The following MYPN variants were observed in gnomAD, a reference collection of about 807,000 sequenced individuals.
MYPN encodes sarcomeric protein myopalladin, 145 kDa (MYOP).
A neutral mutation model predicts 129.4 loss-of-function variants in MYPN; 63 were observed. The ratio of observed to expected loss-of-function variants is 0.49; its 90% CI spans 0.40 to 0.60. The LOEUF is 0.60. MYPN is among the 20% of genes least tolerant of loss of function. The pLI, the probability that MYPN is intolerant of heterozygous loss-of-function variation, is 0.00. For synonymous variants in MYPN, 629 were observed against 600.9 expected (o/e 1.05, Z -0.68); for missense variants, 1,596 against 1,635.4 (o/e 0.98, Z 0.42).
upstream of MYPN, among the ~76,000 whole-genome samples, chr10:68,102,473 A>G (rs564427394): frequency 7.8e-4 from 118 of 152,252 alleles, no homozygotes; most frequent in Non-Finnish European, 1.3e-3. Flanking sequence ...TTTTCTCACA[A>G]AAAATGAGTC....
Position 68,149,451 on chromosome 10 carries a change from A to ATT in MYPN, c.1246-582_1246-581dup, listed in dbSNP as rs35495734. Among the ~76,000 whole-genome samples the ATT allele has an allele frequency of 3.1e-3, 469 of 151,812 alleles. 1 individual carries two copies. Among genetic ancestry groups the ATT allele is most frequent in the African/African-American group, 0.011 (454 of 41,320 alleles). On this transcript the variant is annotated intron_variant, in intron 5 of 19. Coordinates refer to ENST00000358913, the MANE Select transcript of MYPN (RefSeq NM_032578.4). ...ATTGATGTATTTCTTTTATATACAT[A>ATT]TTTTTTTTCTGTTTTTCAAAAAATT...
At chr10:68,151,094 G>A (rs2042762291) in intron 6 of MYPN, among the ~76,000 whole-genome samples, 1 of 152,124 alleles carries the variant, frequency 6.6e-6, no homozygotes, top group Non-Finnish European at 1.5e-5. Flanking sequence ...AACAAAAATT[G>A]TCTAGCTCAA....
intron 13 of MYPN, 37 bp from the exon 14 acceptor site, chr10:68,194,326 A>G (rs774328553): frequency 2.5e-5 from 40 of 1,609,104 alleles, no homozygotes; most frequent in Non-Finnish European, 3.3e-5. Context: ...CTAAAGATAA[A>G]CAAAACAGTG....
chr10:68,142,334 A>G (rs2042590654), intron 2 of MYPN, among the ~76,000 whole-genome samples: 1 of 152,220 alleles, frequency 6.6e-6, no homozygotes, highest in East Asian at 1.9e-4. Flanking sequence ...ACTAGGCTGT[A>G]ATAAAAATTT....
intron 19 of MYPN, among the ~76,000 whole-genome samples, chr10:68,208,799 T>A (rs913256226): frequency 9.2e-5 from 14 of 152,066 alleles, no homozygotes; most frequent in Non-Finnish European, 1.8e-4. Context: ...CCACCACACT[T>A]CCTGCCTTTC....
At chr10:68,124,732 A>T (rs1024555596) in intron 2 of MYPN, among the ~76,000 whole-genome samples, 1 of 152,198 alleles carries the variant, frequency 6.6e-6, no homozygotes, top group Non-Finnish European at 1.5e-5. Context: ...GAGCTAGTGG[A>T]TAAAGAAACA....
chr10:68,126,085 G>C (rs1303204496), intron 2 of MYPN, among the ~76,000 whole-genome samples: 2 of 152,150 alleles, frequency 1.3e-5, no homozygotes, highest in African/African-American at 4.8e-5. Flanking sequence ...CAAGGGTAGA[G>C]GGGAAAGCAA....
chr10:68,150,707 G>A (rs2042754889), intron 6 of MYPN, among the ~76,000 whole-genome samples: 2 of 152,226 alleles, frequency 1.3e-5, no homozygotes, highest in Non-Finnish European at 2.9e-5. Flanking sequence ...CACAGATCCA[G>A]TTAGTGGCAG....
chr10:68,143,167 A>G, intron 3 of MYPN, 52 bp downstream of exon 3: 1 of 1,538,014 alleles, frequency 6.5e-7, no homozygotes, highest in Non-Finnish European at 8.9e-7. Flanking sequence ...ACATTTAGTT[A>G]TAATAAATAA....
At chr10:68,198,986 TG>T in intron 16 of MYPN, among the ~76,000 whole-genome samples, 1 of 148,710 alleles carries the variant, frequency 6.7e-6, no homozygotes. Flanking sequence ...GTGTTTTTCT[TG>T]TTTTCGTTTT....
rs207471127 is a variant in MYPN at position 68,174,046 on chromosome 10, C to T, written c.1974-20C>T. 7 of 1,557,672 alleles carry T rather than the reference C, an allele frequency of 4.5e-6. No homozygotes were observed. Among genetic ancestry groups the T allele is most frequent in the Middle Eastern group, 1.7e-4 (1 of 6,002 alleles). ...AATAACACATTTCCTTCTCTCTCTCCACCCTTGTTTTGTGTACAGTGATTC... is the reference window on the plus strand; with the variant it reads ...AATAACACATTTCCTTCTCTCTCTCTACCCTTGTTTTGTGTACAGTGATTC... On this transcript the variant is annotated intron_variant, in intron 10 of 19. Transcript: ENST00000358913.
At chr10:68,115,331 AT>A (rs1028869622) in intron 1 of MYPN, among the ~76,000 whole-genome samples, 18 of 151,466 alleles carry the variant, frequency 1.2e-4, no homozygotes, top group African/African-American at 4.4e-4. Flanking sequence ...AGAACTTACG[AT>A]TTTCTTTCCT....
chr10:68,165,758 A>C lies in MYPN; in HGVS notation c.1540A>C (p.Thr514Pro). 1.2e-6 allele frequency: 2 copies of C among 1,614,186 alleles called. No individual in the cohort carries two copies. The highest frequency in any genetic ancestry group is 1.7e-6 in the Non-Finnish European group (2 of 1,180,024). The change falls in exon 9 of 20, where the codon ACA (threonine) becomes CCA (proline). Residue 514 changes from threonine (T) to proline (P), a missense_variant. Transcript: ENST00000358913. ...EVFAEDSGCF[T>P]CTASNKYGTV... ...GTTTGCAGAAGATTCTGGGTGCTTC[A>C]CATGTACTGCAAGCAACAAATACGG...
intron 7 of MYPN, 33 bp downstream of exon 7, chr10:68,158,660 T>TGGG (rs776739980): frequency 2.4e-5 from 36 of 1,474,136 alleles, no homozygotes; most frequent in Non-Finnish European, 3.2e-5. Flanking sequence ...TTTCTGATAT[T>TGGG]TTGTTTTTAT....
intron 6 of MYPN, among the ~76,000 whole-genome samples, chr10:68,154,333 A>C (rs2042830768): frequency 6.6e-6 from 1 of 152,260 alleles, no homozygotes; most frequent in African/African-American, 2.4e-5. Flanking sequence ...AGGCTGCAGC[A>C]GCCCTGGCCC....
chr10:68,159,236 G>A (rs1433581203), intron 7 of MYPN, among the ~76,000 whole-genome samples: 2 of 152,106 alleles, frequency 1.3e-5, no homozygotes, highest in Non-Finnish European at 2.9e-5. Flanking sequence ...TAATTATACA[G>A]GGATCCCAGG....
At chr10:68,101,459 T>C (rs1220492205), upstream of MYPN, among the ~76,000 whole-genome samples, 1 of 152,250 alleles carries the variant, frequency 6.6e-6, no homozygotes, top group Non-Finnish European at 1.5e-5. Context: ...AAATTTGCTC[T>C]AGCTGCCTTC....
intron 14 of MYPN, 71 bp from the exon 15 acceptor site, chr10:68,195,379 G>GA: frequency 6.7e-7 from 1 of 1,495,588 alleles, no homozygotes; most frequent in East Asian, 2.3e-5. Flanking sequence ...TTCTGGTCCA[G>GA]AAATTTTTAT....
chr10:68,109,861 C>G, intron 1 of MYPN, 138 bp downstream of exon 1: 3 of 341,708 alleles, frequency 8.8e-6, no homozygotes, highest in Non-Finnish European at 1.2e-5. Flanking sequence ...TGACGGGACA[C>G]GAAATTAAGT....
Sources: allele counts gnomAD v4.1 joint callset (sites outside exome capture counted in the v4.1 genomes callset), GRCh38; gene constraint gnomAD v4.1.1; transcripts MANE v1.5; gene names NCBI Gene and HGNC (gene_info 2026-07-23, HGNC 2026-07-21).